HBS1L: variants seen among roughly 807,000 people sequenced by gnomAD.
HBS1L encodes HBS1 like translational GTPase.
In HBS1L, 55 loss-of-function variants were observed where a neutral mutation model predicts 88.9. The observed-to-expected ratio is 0.62, with a 90% CI of 0.50 to 0.77. HBS1L has a LOEUF of 0.77. Among genes scored for constraint, HBS1L ranks in the 30% least tolerant of loss-of-function variants. The pLI, the probability that HBS1L is intolerant of heterozygous loss-of-function variation, is 0.00. For missense variants in HBS1L, 741 were observed against 829.3 expected, an observed-to-expected ratio of 0.89 and a Z score of 1.31; for synonymous variants, 267 against 288.5, an observed-to-expected ratio of 0.93 and a Z score of 0.76.
Position 134,963,775 on chromosome 6 carries a change from G to C in HBS1L, c.*1504C>G, listed in dbSNP as rs1406254545. 6.6e-6 allele frequency: 1 copy of C among 152,148 alleles called. No homozygotes were observed. Among genetic ancestry groups the C allele is most frequent in the Non-Finnish European group, 1.5e-5 (1 of 68,062 alleles). 9.4% of individuals were successfully genotyped at this position (152,148 alleles called of 1,614,324 possible). The stretch of plus-strand genomic sequence containing the variant: ...AACCAGCACCAGGGAAGGCAGAGTG[G>C]AGATGAGTCCTTGCTAACATTGTGT... On this transcript the variant is annotated 3_prime_UTR_variant, in exon 18 of 18. Coordinates refer to ENST00000367837, the MANE Select transcript of HBS1L (RefSeq NM_006620.4).
intron 4 of HBS1L, among the ~76,000 whole-genome samples, chr6:135,012,880 T>C (rs563692157): frequency 6.6e-6 from 1 of 152,296 alleles, no homozygotes; most frequent in African/African-American, 2.4e-5. Flanking sequence ...ACTCCAGCAA[T>C]GTATGAAGAA....
Position 135,054,717 on chromosome 6 carries a change from G to C in HBS1L, c.-26C>G. 3 of 1,613,986 alleles carry C rather than the reference G, an allele frequency of 1.9e-6. No individual in the cohort carries two copies. The highest frequency in any genetic ancestry group is 2.5e-6 in the Non-Finnish European group (3 of 1,179,940). ...GACGGCGGAGAGGGCGTTTGCCACA[G>C]CCCCTTAACTCCTTCCAAAACACTC... On this transcript the variant is annotated 5_prime_UTR_variant, in exon 1 of 18. Coordinates refer to ENST00000367837, the MANE Select transcript of HBS1L (RefSeq NM_006620.4).
chr6:134,982,129 T>C (rs2114774292), intron 13 of HBS1L, among the ~76,000 whole-genome samples: 1 of 152,192 alleles, frequency 6.6e-6, no homozygotes, highest in East Asian at 1.9e-4. Context: ...CTAGATTTAA[T>C]TTCTGCTACA....
At chr6:135,001,052 G>A (rs552739677) in intron 5 of HBS1L, among the ~76,000 whole-genome samples, 10 of 152,216 alleles carry the variant, frequency 6.6e-5, no homozygotes, top group African/African-American at 2.2e-4. Flanking sequence ...ACATTCTAAT[G>A]ACTTCTCCCA....
chr6:135,017,790 A>G (rs1372712778), intron 4 of HBS1L, among the ~76,000 whole-genome samples: 2 of 152,002 alleles, frequency 1.3e-5, no homozygotes, highest in Admixed American at 6.5e-5. Context: ...TTATTACATT[A>G]ATATATTACT....
At chr6:134,979,070 T>C in intron 14 of HBS1L, 108 bp downstream of exon 14, 1 of 754,396 alleles carries the variant, frequency 1.3e-6, no homozygotes, top group Non-Finnish European at 2.3e-6. Flanking sequence ...GTGTCTATTT[T>C]TGGTCAAATG....
chr6:134,978,814 AG>A (rs1285491509), intron 14 of HBS1L, 27 bp from the exon 15 acceptor site: 1 of 1,394,450 alleles, frequency 7.2e-7, no homozygotes, highest in Non-Finnish European at 1.0e-6. Flanking sequence ...AAAAGAGGAA[AG>A]GTAATTGGGG....
chr6:135,033,144 A>G (rs1776437048), intron 4 of HBS1L, among the ~76,000 whole-genome samples: 1 of 152,208 alleles, frequency 6.6e-6, no homozygotes, highest in African/African-American at 2.4e-5. Flanking sequence ...TATATCATTT[A>G]GAATATAATT....
intron 17 of HBS1L, among the ~76,000 whole-genome samples, chr6:134,965,509 C>T (rs571305133): frequency 6.6e-6 from 1 of 152,282 alleles, no homozygotes; most frequent in Middle Eastern, 3.4e-3. Context: ...TTAGAATGCT[C>T]TTTTAGAAAG....
chr6:134,981,623 A>C (rs1047854601), intron 13 of HBS1L, among the ~76,000 whole-genome samples: 3 of 151,876 alleles, frequency 2.0e-5, no homozygotes, highest in Non-Finnish European at 4.4e-5. Flanking sequence ...AAAATCTAAA[A>C]AATTTTTGCA....
chr6:135,009,885 C>T (rs970390844), intron 4 of HBS1L, among the ~76,000 whole-genome samples: 2 of 152,032 alleles, frequency 1.3e-5, no homozygotes, highest in Non-Finnish European at 2.9e-5. Flanking sequence ...CCGCCTCGGC[C>T]TCCCAACGTG....
At chr6:134,983,869 GAC>G (rs1181236589) in intron 12 of HBS1L, among the ~76,000 whole-genome samples, 1 of 152,130 alleles carries the variant, frequency 6.6e-6, no homozygotes, top group Non-Finnish European at 1.5e-5. Flanking sequence ...GTCAGAGATA[GAC>G]AGGTCAGAGA....
chr6:134,986,559 T>A (rs1389138253), intron 10 of HBS1L, among the ~76,000 whole-genome samples, 177 bp downstream of exon 10: 2 of 152,010 alleles, frequency 1.3e-5, no homozygotes, highest in Non-Finnish European at 2.9e-5. Context: ...ATTAAACATA[T>A]GCAATTTTCT....
At chr6:134,977,505 C>G (rs1051465413) in intron 15 of HBS1L, among the ~76,000 whole-genome samples, 1 of 151,840 alleles carries the variant, frequency 6.6e-6, no homozygotes, top group African/African-American at 2.4e-5. Context: ...AGAAGCTTTT[C>G]TTTTCTAGTG....
intron 2 of HBS1L, among the ~76,000 whole-genome samples, chr6:135,043,372 T>C (rs1455346510): frequency 6.6e-6 from 1 of 152,236 alleles, no homozygotes; most frequent in Non-Finnish European, 1.5e-5. Flanking sequence ...TGTGTATAGA[T>C]TATCAGGAAG....
chr6:134,991,174 G>A (rs1441246978), intron 8 of HBS1L, among the ~76,000 whole-genome samples: 1 of 151,708 alleles, frequency 6.6e-6, no homozygotes, highest in Non-Finnish European at 1.5e-5. Context: ...GTGAGGGATT[G>A]GTTCCAGACC....
rs768232536 is a variant in HBS1L at position 134,986,174 on chromosome 6, C to T, written c.1315G>A (p.Val439Ile). 1 of 1,480,730 alleles carries T rather than the reference C, an allele frequency of 6.8e-7. No homozygotes were observed. Among genetic ancestry groups the T allele is most frequent in the Non-Finnish European group, 9.4e-7 (1 of 1,064,974 alleles). 91.7% of individuals were successfully genotyped at this position (1,480,730 alleles called of 1,614,324 possible). The change falls in exon 11 of 18, where the codon GTA becomes ATA. Residue 439 changes from valine to isoleucine, a missense_variant. Coordinates refer to ENST00000367837, the MANE Select transcript of HBS1L (RefSeq NM_006620.4). ...AGACCACTTGTAGGAATAAAACCTA[C>T]ATCACTCTCCTATTAAAAAGATTGA... is the stretch of plus-strand genomic sequence containing the variant. Reference protein sequence around the residue: ...LKQAGFKESDVGFIPTSGLSG... With the variant: ...LKQAGFKESDIGFIPTSGLSG...
At position 135,046,878 on chromosome 6, in the gene HBS1L, A is replaced by T. The variant is rs78243357; in HGVS notation, c.109+3704T>A. 6.9e-3 allele frequency among the ~76,000 whole-genome samples: 1,048 copies of T among 152,334 alleles called. 13 individuals carry two copies. The highest frequency in any genetic ancestry group is 0.024 in the African/African-American group (987 of 41,562). ...TAAAACCATTCATTTTTTATTGAAA[A>T]TTACTTGGAAAATATACCACTATAG... On this transcript the variant is annotated intron_variant, in intron 2 of 17. Transcript: ENST00000367837.
chr6:134,978,769 A>C lies in HBS1L; in HGVS notation c.1707T>G (p.Cys569Trp). The change falls in exon 15 of 18, where the codon TGT (cysteine) becomes TGG (tryptophan). Residue 569 changes from cysteine to tryptophan, a missense_variant. Cys to Trp is a radical substitution (Grantham distance 215, BLOSUM62 -2). This residue lies in a region of HBS1L where 181 missense variants were observed against 212.7 expected (regional missense o/e 0.85). Transcript: ENST00000367837. ...AAGCTTTAATGGGTACTTTGGGGCC[A>C]CAAAATATGCAGCCAACACTGTAAG... ...IIKINVGCIF[C>W]GPKVPIKACT... 1 of 1,606,072 alleles carries C rather than the reference A, an allele frequency of 6.2e-7. No homozygotes were observed. The highest frequency in any genetic ancestry group is 8.5e-7 in the Non-Finnish European group (1 of 1,175,332).
Sources: allele counts gnomAD v4.1 joint callset (sites outside exome capture counted in the v4.1 genomes callset), GRCh38; gene constraint gnomAD v4.1.1; regional missense constraint gnomAD v4.1.1; transcripts MANE v1.5; gene names NCBI Gene and HGNC (gene_info 2026-07-23, HGNC 2026-07-21).